The following GRIN2B variants were observed in gnomAD, a reference collection of about 807,000 sequenced individuals.
GRIN2B encodes glutamate receptor ionotropic, NMDA 2B.
Under a neutral mutation model 114.5 loss-of-function variants are expected in GRIN2B, and 5 were observed. The ratio of observed to expected loss-of-function variants is 0.04; its 90% CI spans 0.02 to 0.09. The LOEUF (loss-of-function observed/expected upper bound fraction) is 0.09, where lower values mean the gene tolerates loss of function less well. Ranked by LOEUF, GRIN2B falls within the 10% of genes least tolerant of loss-of-function variation. GRIN2B has a pLI of 1.00. For missense variants in GRIN2B, 1,108 were observed against 1,943.5 expected, an observed-to-expected ratio of 0.57 and a Z score of 8.08; for synonymous variants, 787 against 745.1, an observed-to-expected ratio of 1.06 and a Z score of -0.92.
At chr12:13,751,803 A>G (rs1009917320) in intron 4 of GRIN2B, among the ~76,000 whole-genome samples, 5 of 152,182 alleles carry the variant, frequency 3.3e-5, no homozygotes, top group Non-Finnish European at 7.3e-5. Flanking sequence ...ACAGACATTA[A>G]TTGTATCCTT....
chr12:13,618,649 G>T (rs1157143401), intron 5 of GRIN2B, among the ~76,000 whole-genome samples: 2 of 152,188 alleles, frequency 1.3e-5, no homozygotes, highest in East Asian at 3.9e-4. Flanking sequence ...ATCTCTCACT[G>T]TCCTCAGAAT....
intron 3 of GRIN2B, 120 bp from the exon 4 acceptor site, chr12:13,754,035 C>T: frequency 1.5e-6 from 1 of 649,850 alleles, no homozygotes; most frequent in Non-Finnish European, 2.8e-6. Context: ...TTATATAATG[C>T]CTTTACAAGT....
chr12:13,853,792 T>C (rs562559210), intron 3 of GRIN2B, among the ~76,000 whole-genome samples: 1 of 152,210 alleles, frequency 6.6e-6, no homozygotes, highest in Non-Finnish European at 1.5e-5. Flanking sequence ...CCATTTTCAT[T>C]TGGGTTTAAA....
intron 2 of GRIN2B, among the ~76,000 whole-genome samples, chr12:13,946,413 CA>C (rs1315471792): frequency 1.3e-5 from 2 of 151,906 alleles, no homozygotes; most frequent in African/African-American, 2.4e-5. Flanking sequence ...CATTTGATAT[CA>C]TTCCTTCTTT....
chr12:13,905,042 G>A (rs1866515018), intron 2 of GRIN2B, among the ~76,000 whole-genome samples: 1 of 151,830 alleles, frequency 6.6e-6, no homozygotes, highest in Non-Finnish European at 1.5e-5. Flanking sequence ...ATAACTATAG[G>A]TAGATAAACA....
At chr12:13,794,515 G>C (rs923095781) in intron 3 of GRIN2B, among the ~76,000 whole-genome samples, 1 of 151,902 alleles carries the variant, frequency 6.6e-6, no homozygotes, top group Non-Finnish European at 1.5e-5. Context: ...CCTCCCCCCC[G>C]GACCCGAAAT....
intron 2 of GRIN2B, among the ~76,000 whole-genome samples, chr12:13,941,195 T>A (rs1291377787): frequency 6.6e-6 from 1 of 152,138 alleles, no homozygotes; most frequent in Non-Finnish European, 1.5e-5. Context: ...ACAGTACTGC[T>A]AGATATTGAG....
chr12:13,901,106 G>A (rs1033155432), intron 2 of GRIN2B, among the ~76,000 whole-genome samples: 6 of 152,152 alleles, frequency 3.9e-5, no homozygotes, highest in Non-Finnish European at 5.9e-5. Context: ...AAGCAGTGTA[G>A]AAGTATTCCT....
chr12:13,878,565 T>C (rs1591599306), intron 2 of GRIN2B, among the ~76,000 whole-genome samples: 1 of 152,346 alleles, frequency 6.6e-6, no homozygotes, highest in East Asian at 1.9e-4. Context: ...TGACTATAAA[T>C]GATACAGATT....
intron 4 of GRIN2B, among the ~76,000 whole-genome samples, chr12:13,712,251 G>T (rs979663853): frequency 1.3e-5 from 2 of 151,648 alleles, no homozygotes; most frequent in Non-Finnish European, 2.9e-5. Flanking sequence ...AAGGGGGAGG[G>T]ATAGCATTAG....
In GRIN2B at chr12:13,578,141, A is replaced by G. The variant is rs1025001913; in HGVS notation, c.2011-6177T>C. Among the ~76,000 whole-genome samples, 6 of 152,266 alleles carry G rather than the reference A, an allele frequency of 3.9e-5. No individual in the cohort carries two copies. In the East Asian group the frequency reaches 1.2e-3, roughly 29 times the overall value. ...CTCCATGTTGTAAAAGTTGGTATTA[A>G]ACTCCCAGCCTCAAGCAATCCTCCT... On this transcript the variant is annotated intron_variant, in intron 10 of 13. Transcript: ENST00000609686.
At chr12:13,938,080 G>C (rs1375174369) in intron 2 of GRIN2B, among the ~76,000 whole-genome samples, 1 of 151,928 alleles carries the variant, frequency 6.6e-6, no homozygotes, top group African/African-American at 2.4e-5. Flanking sequence ...TAAGTAAGAA[G>C]ACAACAGAGG....
intron 3 of GRIN2B, among the ~76,000 whole-genome samples, chr12:13,813,452 A>T (rs1251449384): frequency 3.3e-5 from 5 of 152,222 alleles, no homozygotes; most frequent in African/African-American, 1.2e-4. Flanking sequence ...CAAGAATTGG[A>T]AACAGGATGA....
intron 5 of GRIN2B, among the ~76,000 whole-genome samples, chr12:13,668,984 T>G (rs1591667390): frequency 5.8e-5 from 3 of 51,942 alleles, no homozygotes; most frequent in Admixed American, 2.8e-4. Context: ...GGAGAGGAGG[T>G]GGAGAGGGAA....
intron 3 of GRIN2B, among the ~76,000 whole-genome samples, chr12:13,854,946 C>G (rs575070462): frequency 4.0e-5 from 6 of 151,036 alleles, no homozygotes; most frequent in African/African-American, 1.5e-4. Context: ...CACAGTGGCT[C>G]ACACCTATAA....
chr12:13,842,571 A>T (rs1865396741), intron 3 of GRIN2B, among the ~76,000 whole-genome samples: 1 of 152,192 alleles, frequency 6.6e-6, no homozygotes, highest in Non-Finnish European at 1.5e-5. Context: ...CCATACCCTC[A>T]GTGATTTGTA....
At chr12:13,605,551 T>TCTCTCTCACACACACACA in intron 10 of GRIN2B, among the ~76,000 whole-genome samples, 2 of 30,498 alleles carry the variant, frequency 6.6e-5, no homozygotes, top group African/African-American at 1.0e-4. Flanking sequence ...TCTCTCTCTC[T>TCTCTCTCACACACACACA]GACACACACA....
intron 4 of GRIN2B, among the ~76,000 whole-genome samples, chr12:13,716,463 C>T (rs1433154057): frequency 6.6e-6 from 1 of 151,852 alleles, no homozygotes; most frequent in Non-Finnish European, 1.5e-5. Flanking sequence ...GCACCTTATA[C>T]AGGGTATTTC....
intron 2 of GRIN2B, among the ~76,000 whole-genome samples, chr12:13,942,064 GC>G (rs1867266621): frequency 6.6e-6 from 1 of 152,182 alleles, no homozygotes; most frequent in African/African-American, 2.4e-5. Context: ...AAAAAGGTCT[GC>G]TTTTACCGTC....
Sources: allele counts gnomAD v4.1 joint callset (sites outside exome capture counted in the v4.1 genomes callset), GRCh38; gene constraint gnomAD v4.1.1; transcripts MANE v1.5; gene names NCBI Gene and HGNC (gene_info 2026-07-23, HGNC 2026-07-21).